LONRF3: variants seen among roughly 807,000 people sequenced by gnomAD.
The protein encoded by LONRF3 is LON peptidase N-terminal domain and ring finger 3.
In LONRF3, 19 loss-of-function variants were observed where a neutral mutation model predicts 51.7. That is an observed-to-expected ratio of 0.37 (90% CI 0.26 to 0.54). The LOEUF (loss-of-function observed/expected upper bound fraction) is 0.54, where lower values mean the gene tolerates loss of function less well. Ranked by LOEUF, LONRF3 falls within the 20% of genes least tolerant of loss-of-function variation. The pLI is 0.86. For missense variants in LONRF3, 521 were observed against 623.9 expected, an observed-to-expected ratio of 0.84 and a Z score of 1.76; for synonymous variants, 265 against 257.8, an observed-to-expected ratio of 1.03 and a Z score of -0.27.
At chrX:118,988,350 A>T (rs530594420) in intron 3 of LONRF3, among the ~76,000 whole-genome samples, 2 of 111,843 alleles carry the variant, frequency 1.8e-5, no homozygotes, top group Non-Finnish European at 3.8e-5. Flanking sequence ...TGGCTTTCCA[A>T]TGTCAACCAG....
At chrX:118,976,202 G>A (rs986044582) in intron 1 of LONRF3, 2 of 113,500 alleles carry the variant, frequency 1.8e-5, no homozygotes, top group Non-Finnish European at 3.8e-5. Context: ...CATGGAATTA[G>A]GTCAGGAGAG....
intron 5 of LONRF3, among the ~76,000 whole-genome samples, chrX:118,994,237 AC>A (rs113388501): frequency 4.9e-4 from 55 of 111,940 alleles, no homozygotes; most frequent in African/African-American, 1.7e-3. Flanking sequence ...CTTAAAAGAT[AC>A]AGAACCGCAG....
chrX:118,978,346 T>A lies in LONRF3; in HGVS notation c.819T>A (p.Ala273=). 8.4e-7 allele frequency: 1 copy of A among 1,191,002 alleles called. No individual in the cohort carries two copies. Among genetic ancestry groups the A allele is most frequent in the African/African-American group, 1.7e-5 (1 of 57,406 alleles). The change falls in exon 2 of 11, where the codon GCT becomes GCA. Residue 273 remains alanine (A), a splice_region_variant and synonymous_variant. Coordinates refer to ENST00000371628, the MANE Select transcript of LONRF3 (RefSeq NM_001031855.3). ...GGTTTTTCTTTCTTATTTTGACAGC[T>A]CCAAATGACCACTTGCTTTATAGCA... ...LLKYNEAVKL[A]PNDHLLYSNR... is the part of the protein sequence containing the mutation.
rs188685396 is a variant in LONRF3, at chrX:119,016,668, G to A, written c.2125-867G>A. Among the ~76,000 whole-genome samples, 11 of 112,152 alleles carry A rather than the reference G, an allele frequency of 9.8e-5. No homozygotes were observed. The East Asian group carries it at 3.1e-3, about 31-fold the overall frequency. ...CCCTGGGGCAGAATATATTTCTAAT[G>A]TGAATGTTTTCTAATTGGAATTTTT... is the stretch of plus-strand genomic sequence containing the variant. On this transcript the variant is annotated intron_variant, in intron 10 of 10. Transcript: ENST00000371628.
intron 5 of LONRF3, among the ~76,000 whole-genome samples, chrX:118,996,065 C>T (rs1383211100): frequency 8.9e-6 from 1 of 112,022 alleles, no homozygotes; most frequent in Non-Finnish European, 1.9e-5. Flanking sequence ...AAGGTATGTC[C>T]CTTGTATGCT....
chrX:118,979,300 C>CTTTTTTTTTTT lies in LONRF3; in HGVS notation c.936+838_936+848dup, dbSNP rs781007753. ...TTACAGGCGTGAGCCACCGCGCTGG[C>CTTTTTTTTTTT]TTTTTTTTTTTGAGACGGAGTCTCA... On this transcript the variant is annotated intron_variant, in intron 2 of 10. Transcript: ENST00000371628. Among the ~76,000 whole-genome samples, 462 of 97,290 alleles carry CTTTTTTTTTTT rather than the reference C, an allele frequency of 4.7e-3. 15 individuals carry two copies. In the East Asian group the frequency reaches 0.077, roughly 16 times the overall value. The allele number at this position is 97,290 out of a possible 115,157, so 84.5% of individuals were successfully genotyped here.
rs763620277 is a variant in LONRF3, at chrX:118,982,978, T to C, written c.1059+35T>C. ...AATGACATCAGGTCCAGCTGCCTAC[T>C]GGACCCTCCCCTCTCTGTCTTATCT... On this transcript the variant is annotated intron_variant, in intron 3 of 10. Coordinates refer to ENST00000371628, the MANE Select transcript of LONRF3 (RefSeq NM_001031855.3). The C allele has an allele frequency of 7.6e-6, 9 of 1,190,947 alleles. No individual in the cohort carries two copies. The Admixed American group carries it at 2.0e-4, about 27-fold the overall frequency.
chrX:118,990,034 C>T (rs1239315552), intron 4 of LONRF3, among the ~76,000 whole-genome samples: 1 of 112,021 alleles, frequency 8.9e-6, no homozygotes, highest in African/African-American at 3.2e-5. Flanking sequence ...AAAGTGAGGT[C>T]AGGCCTCACC....
At position 119,017,500 on chromosome X, in the gene LONRF3, G is replaced by T. The variant is rs761823702; in HGVS notation, c.2125-35G>T. The T allele has an allele frequency of 1.4e-5, 17 of 1,191,669 alleles. No homozygotes were observed. In the Admixed American group the frequency reaches 3.8e-4, roughly 27 times the overall value. The stretch of plus-strand genomic sequence containing the variant: ...TCTGCAGACTGATGTTCTTGGATGG[G>T]AATAGGATGACTCCATTGTGTTTCT... On this transcript the variant is annotated intron_variant, in intron 10 of 10. Coordinates refer to ENST00000371628, the MANE Select transcript of LONRF3 (RefSeq NM_001031855.3).
At chrX:118,995,273 A>T (rs968732810) in intron 5 of LONRF3, among the ~76,000 whole-genome samples, 1 of 112,381 alleles carries the variant, frequency 8.9e-6, no homozygotes, top group Non-Finnish European at 1.9e-5. Context: ...GATGGAAATT[A>T]AAAAATTCTT....
Position 118,974,756 on chromosome X carries a change from C to G in LONRF3, c.-25C>G. The G allele has an allele frequency of 8.8e-7, 1 of 1,142,573 alleles. No individual in the cohort carries two copies. The highest frequency in any genetic ancestry group is 1.2e-6 in the Non-Finnish European group (1 of 854,104). The allele number at this position is 1,142,573 out of a possible 1,213,427, so 94.2% of individuals were successfully genotyped here. On this transcript the variant is annotated 5_prime_UTR_variant, in exon 1 of 11. Coordinates refer to ENST00000371628, the MANE Select transcript of LONRF3 (RefSeq NM_001031855.3). ...TCGTGTCCCCGGTCCCTAGACGCCT[C>G]GTCTCCTCCCGTGTCCCTCTTCCCA...
intron 3 of LONRF3, among the ~76,000 whole-genome samples, chrX:118,985,422 C>T (rs1922876904): frequency 3.6e-5 from 4 of 111,568 alleles, no homozygotes; most frequent in African/African-American, 3.3e-5. Flanking sequence ...AGTACCTCCC[C>T]ATTTAACTCC....
intron 10 of LONRF3, among the ~76,000 whole-genome samples, chrX:119,016,350 C>CTTTCTTT (rs1187001381): frequency 2.3e-5 from 2 of 88,505 alleles, no homozygotes; most frequent in East Asian, 3.3e-4. Flanking sequence ...TTCTTTCTTT[C>CTTTCTTT]TTTTTTTTTT....
intron 5 of LONRF3, among the ~76,000 whole-genome samples, chrX:119,002,226 A>G (rs761728593): frequency 8.9e-6 from 1 of 112,193 alleles, no homozygotes; most frequent in African/African-American, 3.2e-5. Context: ...GAAGCTACCC[A>G]TATGCCTCTT....
At chrX:118,985,808 T>C (rs1166251245) in intron 3 of LONRF3, among the ~76,000 whole-genome samples, 1 of 111,553 alleles carries the variant, frequency 9.0e-6, no homozygotes, top group Non-Finnish European at 1.9e-5. Context: ...TGGCAAGTGC[T>C]GGCATCTGAA....
rs1253172940 is a variant in LONRF3, at chrX:118,985,591, G to A, written c.1059+2648G>A. Among the ~76,000 whole-genome samples, 4 of 112,306 alleles carry A rather than the reference G, an allele frequency of 3.6e-5. No homozygotes were observed. In the East Asian group the frequency reaches 1.1e-3, roughly 31 times the overall value. ...ATCCAGTGTGATGAGCATTTATTGG[G>A]TATCTGTTATGTGCCCTCTAGAAGC... On this transcript the variant is annotated intron_variant, in intron 3 of 10. Transcript: ENST00000371628.
At chrX:119,009,922 A>G (rs1037843447) in intron 7 of LONRF3, among the ~76,000 whole-genome samples, 1 of 110,506 alleles carries the variant, frequency 9.0e-6, no homozygotes, top group Non-Finnish European at 1.9e-5. Flanking sequence ...GGCATGCACC[A>G]CCATGCCCAG....
In LONRF3 at chrX:118,975,402, C is replaced by A. The variant is rs1472565892; in HGVS notation, c.622C>A (p.Arg208=). 1.7e-6 allele frequency: 2 copies of A among 1,200,838 alleles called. No individual in the cohort carries two copies. The highest frequency in any genetic ancestry group is 2.2e-5 in the Admixed American group (1 of 45,094). Residue 208 remains arginine, a synonymous_variant, in exon 1 of 11, where the codon CGG becomes AGG. Transcript: ENST00000371628. ...CTCCGCCTTGATGGTGGCCACTGGG[C>A]GGGCGCGTGGAGCCCGGCGGGCTGG... ...KLSALMVATG[R]ARGARRAGQQ... is the part of the protein sequence containing the mutation.
chrX:118,987,629 T>A (rs1436854266), intron 3 of LONRF3, among the ~76,000 whole-genome samples: 5 of 109,049 alleles, frequency 4.6e-5, no homozygotes, highest in Non-Finnish European at 9.5e-5. Flanking sequence ...TAGAAAGGAA[T>A]TGGCTCACTG....
Sources: allele counts gnomAD v4.1 joint callset (sites outside exome capture counted in the v4.1 genomes callset), GRCh38; gene constraint gnomAD v4.1.1; transcripts MANE v1.5; gene names NCBI Gene and HGNC (gene_info 2026-07-23, HGNC 2026-07-21).